The following CLASP1 variants were observed in gnomAD, a reference collection of about 807,000 sequenced individuals.
CLASP1 encodes the protein CLIP-associating protein 1.
A neutral mutation model predicts 192.3 loss-of-function variants in CLASP1; 38 were observed. The ratio of observed to expected loss-of-function variants is 0.20; its 90% CI spans 0.15 to 0.26. The LOEUF is 0.26. Among genes scored for constraint, CLASP1 ranks in the 10% least tolerant of loss-of-function variants. The pLI is 1.00. For synonymous variants in CLASP1, 691 were observed against 712.8 expected, an observed-to-expected ratio of 0.97 and a Z score of 0.49; for missense variants, 1,433 against 1,932.5, an observed-to-expected ratio of 0.74 and a Z score of 4.85.
intron 9 of CLASP1, among the ~76,000 whole-genome samples, chr2:121,463,493 C>T (rs1032318169): frequency 1.3e-5 from 2 of 152,062 alleles, no homozygotes; most frequent in East Asian, 1.9e-4. Flanking sequence ...AAAGGATGAC[C>T]GTCACTCACT....
chr2:121,589,648 AC>A (rs1231539613), intron 2 of CLASP1, among the ~76,000 whole-genome samples: 7 of 151,676 alleles, frequency 4.6e-5, no homozygotes, highest in African/African-American at 9.7e-5. Flanking sequence ...AAAAAAAAAA[AC>A]ACACTATTAT....
At chr2:121,462,743 T>C (rs1306226098) in intron 9 of CLASP1, 138 bp from the exon 10 acceptor site, 17 of 613,000 alleles carry the variant, frequency 2.8e-5, no homozygotes, top group Non-Finnish European at 4.6e-5. Context: ...TCATATAACT[T>C]TGAAGTGTCA....
intron 8 of CLASP1, among the ~76,000 whole-genome samples, chr2:121,498,395 T>G (rs1259484138): frequency 6.6e-6 from 1 of 151,620 alleles, no homozygotes; most frequent in Non-Finnish European, 1.5e-5. Flanking sequence ...TTTGTAGAGA[T>G]GGAGTTTCAC....
intron 2 of CLASP1, among the ~76,000 whole-genome samples, chr2:121,605,321 A>G (rs1011114501): frequency 2.6e-5 from 4 of 152,234 alleles, no homozygotes; most frequent in Admixed American, 2.6e-4. Context: ...TCCCCCAGAG[A>G]AAATCAGTGA....
intron 37 of CLASP1, among the ~76,000 whole-genome samples, chr2:121,360,947 T>A (rs147220834): frequency 2.0e-3 from 305 of 152,140 alleles, no homozygotes; most frequent in Non-Finnish European, 2.6e-3. Flanking sequence ...TTTTCTCTCC[T>A]AAATTTCTAA....
intron 2 of CLASP1, among the ~76,000 whole-genome samples, chr2:121,546,255 C>A (rs1400657008): frequency 2.0e-5 from 3 of 151,700 alleles, no homozygotes; most frequent in Non-Finnish European, 4.4e-5. Context: ...GAAACACACA[C>A]GTACCCTATG....
intron 33 of CLASP1, 82 bp downstream of exon 34, chr2:121,382,126 G>A (rs1340975383): frequency 1.9e-4 from 203 of 1,093,540 alleles, no homozygotes; most frequent in Non-Finnish European, 9.6e-6. Flanking sequence ...GCAGCTTAGA[G>A]GCTTTCCCAA....
chr2:121,398,549 G>C (rs2075664716), intron 28 of CLASP1, 149 bp from the exon 30 acceptor site: 2 of 566,022 alleles, frequency 3.5e-6, no homozygotes, highest in Non-Finnish European at 6.1e-6. Flanking sequence ...TTTATGTAGA[G>C]TAATACATGT....
rs541354680 is a variant in CLASP1 at position 121,487,396 on chromosome 2, C to G, written c.712+15771G>C. Among the ~76,000 whole-genome samples, 117 of 152,180 alleles carry G rather than the reference C, an allele frequency of 7.7e-4. 1 individual carries two copies. The highest frequency in any genetic ancestry group is 1.3e-3 in the Non-Finnish European group (85 of 67,984). On this transcript the variant is annotated intron_variant, in intron 8 of 39. Transcript: ENST00000263710. ...AAAAGATTTTCTTAAAGCACATAAC[C>G]CAACACGCAGATCAACTGTTACCTT...
chr2:121,473,755 A>T (rs1296175624), intron 8 of CLASP1, among the ~76,000 whole-genome samples: 1 of 152,264 alleles, frequency 6.6e-6, no homozygotes, highest in Non-Finnish European at 1.5e-5. Flanking sequence ...GCATAAAAGC[A>T]GCAGCAGACT....
intron 8 of CLASP1, among the ~76,000 whole-genome samples, chr2:121,479,663 G>T (rs1344749975): frequency 6.6e-6 from 1 of 152,118 alleles, no homozygotes; most frequent in Non-Finnish European, 1.5e-5. Flanking sequence ...TTTCTTCTAA[G>T]TTCCTACCTC....
chr2:121,515,782 T>A lies in CLASP1; in HGVS notation c.547-20A>T. On this transcript the variant is annotated intron_variant, in intron 6 of 39. Coordinates refer to ENST00000263710, the Ensembl canonical transcript of CLASP1. The stretch of plus-strand genomic sequence containing the variant: ...TCGAACCTAGATATAAAAGAAGAGA[T>A]CTTACAGCTGCTCTGTGTCATCCCC... 1 of 1,602,266 alleles carries A rather than the reference T, an allele frequency of 6.2e-7. No homozygotes were observed.
intron 25 of CLASP1, 89 bp downstream of exon 26, chr2:121,407,359 TCTCCATTAATTATAGGAATTAGA>T: frequency 4.1e-6 from 5 of 1,214,798 alleles, no homozygotes; most frequent in East Asian, 5.0e-5. Flanking sequence ...CCTCTTGGTA[TCTCCATTAATTATAGGAATTAGA>T]CTCCATTAAT....
intron 14 of CLASP1, among the ~76,000 whole-genome samples, chr2:121,452,879 A>C (rs1468028899): frequency 3.3e-5 from 5 of 152,250 alleles, no homozygotes; most frequent in Admixed American, 3.3e-4. Flanking sequence ...TAATAGTCCT[A>C]GGAACCCATT....
In CLASP1 at chr2:121,377,486, T is replaced by C; in HGVS notation, c.3642+13A>G. ...ACTCATACAGAGTTCTCTTTTAGCC[T>C]AGGGATACTTACAATATCACACTCC... On this transcript the variant is annotated intron_variant, in intron 34 of 39. Coordinates refer to ENST00000263710, the Ensembl canonical transcript of CLASP1. The C allele has an allele frequency of 1.3e-6, 2 of 1,594,278 alleles. No individual in the cohort carries two copies. The highest frequency in any genetic ancestry group is 1.7e-6 in the Non-Finnish European group (2 of 1,167,930).
At chr2:121,536,295 C>T (rs61604142) in intron 2 of CLASP1, among the ~76,000 whole-genome samples, 2 of 147,164 alleles carry the variant, frequency 1.4e-5, no homozygotes, top group African/African-American at 2.5e-5. Context: ...GCAGGAGAAT[C>T]GCATGAACCT....
At chr2:121,582,645 G>C (rs1405471522) in intron 2 of CLASP1, among the ~76,000 whole-genome samples, 3 of 151,192 alleles carry the variant, frequency 2.0e-5, no homozygotes, top group Non-Finnish European at 4.4e-5. Flanking sequence ...AAGGGAGAGA[G>C]AGGGAGAGAG....
At chr2:121,591,223 T>C (rs77030513) in intron 2 of CLASP1, among the ~76,000 whole-genome samples, 5,323 of 152,296 alleles carry the variant, frequency 0.035, 155 homozygotes, top group East Asian at 0.14. Context: ...AAATGCACCA[T>C]GCAGAAAAAG....
At chr2:121,483,971 T>G (rs1460321885) in intron 8 of CLASP1, among the ~76,000 whole-genome samples, 1 of 152,184 alleles carries the variant, frequency 6.6e-6, no homozygotes, top group African/African-American at 2.4e-5. Context: ...GTCTAGAGAA[T>G]TATCCAGACA....
Sources: gnomAD v4.1 joint callset for allele counts (sites outside exome capture counted in the v4.1 genomes callset) on GRCh38, gnomAD v4.1.1 for gene constraint, MANE v1.5 for transcripts, NCBI Gene and HGNC (gene_info 2026-07-23, HGNC 2026-07-21) for gene names.